CADPS2: variants seen among roughly 807,000 people sequenced by gnomAD.
CADPS2 encodes calcium-dependent secretion activator 2.
In CADPS2, 93 loss-of-function variants were observed where a neutral mutation model predicts 172.5. The observed-to-expected ratio is 0.54, with a 90% CI of 0.46 to 0.64. The LOEUF is 0.64. CADPS2 is among the 30% of genes least tolerant of loss of function. The pLI is 0.00. For synonymous variants in CADPS2, 546 were observed against 555.2 expected (o/e 0.98, Z 0.23); for missense variants, 1,420 against 1,565.9 (o/e 0.91, Z 1.57).
chr7:122,329,354 A>G (rs1290559733), intron 28 of CADPS2, among the ~76,000 whole-genome samples: 2 of 152,134 alleles, frequency 1.3e-5, no homozygotes, highest in African/African-American at 4.8e-5. Flanking sequence ...TCTCCTAAAT[A>G]GTGCAGCTGA....
intron 15 of CADPS2, among the ~76,000 whole-genome samples, chr7:122,445,840 T>C (rs1213265523): frequency 3.3e-5 from 5 of 152,280 alleles, no homozygotes; most frequent in East Asian, 1.9e-4. Flanking sequence ...CATCTAGGAT[T>C]CTGCAACTTA....
Position 122,527,617 on chromosome 7 carries a change from A to AGAGAGAGAGAGAGTGT in CADPS2, c.1476-14303_1476-14302insACACTCTCTCTCTCTC. On this transcript the variant is annotated intron_variant, in intron 8 of 29. Transcript: ENST00000449022. ...GAGAGAGAGAGAGAGAGAGAGAGAG[A>AGAGAGAGAGAGAGTGT]GTGTGTGTGTGTGTGTGTGTGTGTG... Among the ~76,000 whole-genome samples the AGAGAGAGAGAGAGTGT allele has an allele frequency of 2.4e-3, 204 of 83,842 alleles. 1 individual carries two copies. Among genetic ancestry groups the AGAGAGAGAGAGAGTGT allele is most frequent in the Non-Finnish European group, 4.4e-3 (167 of 38,318 alleles). 55.0% of individuals were successfully genotyped at this position (83,842 alleles called of 152,430 possible).
chr7:122,713,965 A>C (rs186190219), intron 2 of CADPS2, among the ~76,000 whole-genome samples: 1 of 152,122 alleles, frequency 6.6e-6, no homozygotes, highest in Non-Finnish European at 1.5e-5. Flanking sequence ...ATATTTTTCA[A>C]TATGTTGACA....
chr7:122,609,018 T>C (rs969152483), intron 6 of CADPS2, among the ~76,000 whole-genome samples: 1 of 152,018 alleles, frequency 6.6e-6, no homozygotes, highest in African/African-American at 2.4e-5. Flanking sequence ...TGAGACTTCA[T>C]CTCTACAAAA....
chr7:122,387,517 T>C (rs973774844), intron 23 of CADPS2, among the ~76,000 whole-genome samples: 3 of 152,042 alleles, frequency 2.0e-5, no homozygotes, highest in Admixed American at 1.3e-4. Flanking sequence ...AATTTCCAAG[T>C]AGAAAAATCA....
rs73433724 is a variant in CADPS2 at position 122,513,502 on chromosome 7, C to T, written c.1476-187G>A. 0.038 allele frequency among the ~76,000 whole-genome samples: 5,730 copies of T among 152,188 alleles called. 157 individuals are homozygous for T. The highest frequency in any genetic ancestry group is 0.061 in the African/African-American group (2,543 of 41,530). ...AATGAGTTAGCTTATTCTGGGTTCTCGAAAGGGAATTGATTTATGTGACTT... is the reference window on the plus strand; with the variant it reads ...AATGAGTTAGCTTATTCTGGGTTCTTGAAAGGGAATTGATTTATGTGACTT... On this transcript the variant is annotated intron_variant, in intron 8 of 29. Coordinates refer to ENST00000449022, the MANE Select transcript of CADPS2 (RefSeq NM_017954.11).
At position 122,581,209 on chromosome 7, in the gene CADPS2, A is replaced by T. The variant is rs1398229327; in HGVS notation, c.1305T>A (p.Val435=). The T allele has an allele frequency of 6.2e-7, 1 of 1,613,294 alleles. No homozygotes were observed. The highest frequency in any genetic ancestry group is 1.7e-5 in the Admixed American group (1 of 59,954). ...CCAGTTCTTTATCTTCCAGGGCCAG[A>T]ACTCCAGTGCTTTCTGTGAAGAGTT... The part of the protein sequence containing the change: ...KVKLFTESTG[V]LALEDKELGR... The change falls in exon 7 of 30, where the codon GTT becomes GTA. Residue 435 remains valine (V), a synonymous_variant. Coordinates refer to ENST00000449022, the MANE Select transcript of CADPS2 (RefSeq NM_017954.11).
intron 2 of CADPS2, chr7:122,681,776 AAAAT>A: frequency 2.0e-6 from 1 of 509,910 alleles, no homozygotes; most frequent in Non-Finnish European, 3.3e-6. Context: ...CATCTAAAAA[AAAAT>A]AAATAAAAAT....
chr7:122,355,901 C>T (rs904842913), intron 27 of CADPS2, among the ~76,000 whole-genome samples: 1 of 152,116 alleles, frequency 6.6e-6, no homozygotes, highest in Non-Finnish European at 1.5e-5. Flanking sequence ...ATTATTAAGT[C>T]CTTGGCCAGT....
At chr7:122,374,629 G>C (rs2042137966) in intron 25 of CADPS2, among the ~76,000 whole-genome samples, 1 of 152,004 alleles carries the variant, frequency 6.6e-6, no homozygotes, top group Non-Finnish European at 1.5e-5. Flanking sequence ...CACAAGATCA[G>C]AAAACCAAAC....
intron 2 of CADPS2, among the ~76,000 whole-genome samples, chr7:122,692,794 A>T (rs1005375321): frequency 6.6e-6 from 1 of 152,230 alleles, no homozygotes; most frequent in African/African-American, 2.4e-5. Context: ...ATGTAGTTTT[A>T]TTCAGCAGCT....
intron 1 of CADPS2, among the ~76,000 whole-genome samples, chr7:122,770,718 T>A (rs2093683605): frequency 1.3e-5 from 2 of 152,090 alleles, no homozygotes; most frequent in Non-Finnish European, 2.9e-5. Flanking sequence ...ATGCTCAGGA[T>A]CTAAAGGTGC....
chr7:122,702,825 A>G (rs1327989384), intron 2 of CADPS2: 11 of 1,174,506 alleles, frequency 9.4e-6, no homozygotes, highest in Non-Finnish European at 1.3e-5. Flanking sequence ...TAAAGAAGAT[A>G]GCTTGTTGGC....
At chr7:122,614,705 G>A (rs2074694929) in intron 6 of CADPS2, among the ~76,000 whole-genome samples, 1 of 152,136 alleles carries the variant, frequency 6.6e-6, no homozygotes, top group Non-Finnish European at 1.5e-5. Context: ...TGAATATCGT[G>A]CGGTAGTCGT....
intron 15 of CADPS2, among the ~76,000 whole-genome samples, chr7:122,449,312 C>CT (rs899423682): frequency 2.6e-5 from 4 of 151,680 alleles, no homozygotes; most frequent in African/African-American, 2.4e-5. Flanking sequence ...GGAGACAACA[C>CT]TTTTTTTTGT....
intron 2 of CADPS2, among the ~76,000 whole-genome samples, chr7:122,730,128 A>C (rs1004027356): frequency 1.3e-5 from 2 of 151,804 alleles, no homozygotes; most frequent in Non-Finnish European, 2.9e-5. Context: ...CTTAGTGTAT[A>C]AACAATGCCT....
intron 1 of CADPS2, among the ~76,000 whole-genome samples, chr7:122,755,748 C>A (rs1159205236): frequency 6.6e-6 from 1 of 151,246 alleles, no homozygotes; most frequent in East Asian, 1.9e-4. Context: ...AAAAGGGAAA[C>A]TGATAAGATA....
intron 7 of CADPS2, among the ~76,000 whole-genome samples, chr7:122,577,871 T>C (rs1368666582): frequency 1.3e-5 from 2 of 152,060 alleles, no homozygotes; most frequent in African/African-American, 4.8e-5. Context: ...TATCTTGCTG[T>C]GGTATAAACC....
At chr7:122,385,268 G>T (rs1303458865) in intron 24 of CADPS2, among the ~76,000 whole-genome samples, 3 of 152,016 alleles carry the variant, frequency 2.0e-5, no homozygotes, top group Non-Finnish European at 4.4e-5. Context: ...ATATGTGTAA[G>T]GTTGTATGCT....
Sources: gnomAD v4.1 joint callset for allele counts (sites outside exome capture counted in the v4.1 genomes callset) on GRCh38, gnomAD v4.1.1 for gene constraint, MANE v1.5 for transcripts, NCBI Gene and HGNC (gene_info 2026-07-23, HGNC 2026-07-21) for gene names.